Variants in PTCHD4 observed in about 807,000 individuals in gnomAD.
PTCHD4 encodes the protein patched domain-containing protein 4.
Under a neutral mutation model 58.1 loss-of-function variants are expected in PTCHD4, and 33 were observed. The ratio of observed to expected loss-of-function variants is 0.57; its 90% confidence interval spans 0.43 to 0.76. The LOEUF (loss-of-function observed/expected upper bound fraction) is 0.76. Among genes scored for constraint, PTCHD4 ranks in the 30% least tolerant of loss-of-function variants. The probability of loss-of-function intolerance (pLI) is 0.00; values close to 1 mark genes in which losing one functional copy is unlikely to be tolerated. For missense variants in PTCHD4, 1,058 were observed against 1,027.1 expected, an observed-to-expected ratio of 1.03 and a Z score of -0.41; for synonymous variants, 478 against 409.6, an observed-to-expected ratio of 1.17 and a Z score of -2.02.
intron 4 of PTCHD4, among the ~76,000 whole-genome samples, chr6:47,945,128 C>A (rs990195420): frequency 6.6e-6 from 1 of 151,800 alleles, no homozygotes; most frequent in Admixed American, 6.6e-5. Context: ...CCATGGAAAC[C>A]GAGAAGGAAA....
rs544734307 is a variant in PTCHD4 at position 47,903,609 on chromosome 6, C to G, written c.899-23673G>C. Among the ~76,000 whole-genome samples, 6 of 152,246 alleles carry G rather than the reference C, an allele frequency of 3.9e-5. No individual in the cohort carries two copies. The East Asian group carries it at 1.2e-3, about 29-fold the overall frequency. The stretch of plus-strand genomic sequence containing the variant: ...GGATTACTGGTATAAGCAACCATGC[C>G]TGGCCCATTAATTCATTATTTCATT... On this transcript the variant is annotated intron_variant, in intron 4 of 4. Transcript: ENST00000339488.
chr6:47,997,803 G>T (rs1027507060), intron 4 of PTCHD4, among the ~76,000 whole-genome samples: 3 of 152,156 alleles, frequency 2.0e-5, no homozygotes, highest in Non-Finnish European at 4.4e-5. Flanking sequence ...GTCCACAGGG[G>T]TTCCTCAATT....
chr6:48,075,260 TC>T (rs1313433495), intron 1 of PTCHD4, among the ~76,000 whole-genome samples: 1 of 152,298 alleles, frequency 6.6e-6, no homozygotes, highest in Admixed American at 6.5e-5. Flanking sequence ...CCATTCTTAT[TC>T]TAATGGTAAA....
chr6:47,953,889 T>C (rs1455017151), intron 4 of PTCHD4, among the ~76,000 whole-genome samples: 1 of 152,160 alleles, frequency 6.6e-6, no homozygotes, highest in Non-Finnish European at 1.5e-5. Context: ...GAATGTGCAA[T>C]TTTTTTCCCC....
intron 3 of PTCHD4, among the ~76,000 whole-genome samples, chr6:48,037,477 G>T (rs1241000520): frequency 4.6e-5 from 7 of 152,064 alleles, no homozygotes; most frequent in Admixed American, 6.6e-5. Flanking sequence ...AGAAGCCAAG[G>T]TTCCCTTTTA....
rs941508403 is a variant in PTCHD4 at position 47,858,973 on chromosome 6, A to G, written c.*19330T>C. Reference sequence around the variant, plus strand: ...TTAATTACAAGCATCTGTTTTTGAGACTAATCAATGAATCATTAATGTGAG... The same window carrying G: ...TTAATTACAAGCATCTGTTTTTGAGGCTAATCAATGAATCATTAATGTGAG... On this transcript the variant is annotated 3_prime_UTR_variant, in exon 5 of 5. Coordinates refer to ENST00000339488, the MANE Select transcript of PTCHD4 (RefSeq NM_001384253.1). 2.0e-5 allele frequency among the ~76,000 whole-genome samples: 3 copies of G among 152,074 alleles called. No homozygotes were observed. The highest frequency in any genetic ancestry group is 4.4e-5 in the Non-Finnish European group (3 of 67,972).
chr6:48,108,394 T>A (rs1401768885), intron 1 of PTCHD4, among the ~76,000 whole-genome samples: 1 of 151,910 alleles, frequency 6.6e-6, no homozygotes, highest in Non-Finnish European at 1.5e-5. Flanking sequence ...TAGGTGGGAA[T>A]TGAACAATGA....
At chr6:47,948,221 G>C (rs1027244228) in intron 4 of PTCHD4, among the ~76,000 whole-genome samples, 2 of 152,196 alleles carry the variant, frequency 1.3e-5, no homozygotes, top group African/African-American at 4.8e-5. Flanking sequence ...CCAGCCGGAG[G>C]TGCCCTCAGC....
intron 1 of PTCHD4, among the ~76,000 whole-genome samples, chr6:48,089,787 A>G (rs540926239): frequency 8.3e-4 from 127 of 152,312 alleles, no homozygotes; most frequent in African/African-American, 3.0e-3. Context: ...GTGAATCACA[A>G]TTTTATGTCC....
intron 3 of PTCHD4, among the ~76,000 whole-genome samples, chr6:48,016,046 T>A (rs1298525719): frequency 6.6e-6 from 1 of 151,972 alleles, no homozygotes; most frequent in African/African-American, 2.4e-5. Flanking sequence ...CAACAACATC[T>A]CTTTCTCAGT....
intron 4 of PTCHD4, among the ~76,000 whole-genome samples, chr6:47,924,979 T>TTA (rs201881324): frequency 0.011 from 1,573 of 149,708 alleles, 33 homozygotes; most frequent in African/African-American, 0.036. Context: ...TATATACATT[T>TTA]TATATATATG....
chr6:47,918,858 G>A (rs1049673366), intron 4 of PTCHD4, among the ~76,000 whole-genome samples: 1 of 152,058 alleles, frequency 6.6e-6, no homozygotes, highest in Admixed American at 6.6e-5. Context: ...TAAGTTCTGG[G>A]CAATGAGATG....
At chr6:47,936,258 T>G (rs1220159501) in intron 4 of PTCHD4, among the ~76,000 whole-genome samples, 1 of 152,214 alleles carries the variant, frequency 6.6e-6, no homozygotes, top group Non-Finnish European at 1.5e-5. Flanking sequence ...AGACATATCT[T>G]GAAGTTCTAT....
chr6:48,002,943 G>A (rs1450147383), intron 4 of PTCHD4, among the ~76,000 whole-genome samples: 4 of 152,036 alleles, frequency 2.6e-5, no homozygotes, highest in Non-Finnish European at 5.9e-5. Flanking sequence ...AACGGACACA[G>A]TTTCTTAGCC....
intron 4 of PTCHD4, among the ~76,000 whole-genome samples, chr6:47,957,579 T>A (rs1335905857): frequency 6.6e-6 from 1 of 150,624 alleles, no homozygotes; most frequent in African/African-American, 2.4e-5. Context: ...ACAAGTTTTT[T>A]TTTTTATTTT....
intron 4 of PTCHD4, among the ~76,000 whole-genome samples, chr6:47,902,486 A>T (rs1053932336): frequency 6.6e-6 from 1 of 152,222 alleles, no homozygotes; most frequent in African/African-American, 2.4e-5. Context: ...GGAAATGCAT[A>T]AATGGGAAAG....
intron 4 of PTCHD4, among the ~76,000 whole-genome samples, chr6:47,930,135 A>G (rs528191169): frequency 6.6e-6 from 1 of 152,292 alleles, no homozygotes; most frequent in South Asian, 2.1e-4. Context: ...TCTAAAGTGG[A>G]TGCAAAAGAA....
intron 3 of PTCHD4, among the ~76,000 whole-genome samples, chr6:48,036,757 C>CTCTAAGATAAAAA (rs900935119): frequency 2.0e-5 from 3 of 151,996 alleles, no homozygotes; most frequent in Non-Finnish European, 4.4e-5. Context: ...AGAAAAAAGT[C>CTCTAAGATAAAAA]ACATGCTAAG....
intron 4 of PTCHD4, among the ~76,000 whole-genome samples, chr6:47,964,167 G>C (rs1437848749): frequency 6.6e-6 from 1 of 152,170 alleles, no homozygotes; most frequent in Non-Finnish European, 1.5e-5. Flanking sequence ...TGGGAAATGA[G>C]AAGTTGCTGT....
Sources: gnomAD v4.1 joint callset for allele counts (sites outside exome capture counted in the v4.1 genomes callset) on GRCh38, gnomAD v4.1.1 for gene constraint, MANE v1.5 for transcripts, NCBI Gene and HGNC (gene_info 2026-07-23, HGNC 2026-07-21) for gene names.